The following RAB3GAP1 variants were observed in gnomAD, a reference collection of about 807,000 sequenced individuals.
RAB3GAP1 encodes the protein rab3 GTPase-activating protein catalytic subunit.
Under a neutral mutation model 130.7 loss-of-function variants are expected in RAB3GAP1, and 86 were observed. That is an observed-to-expected ratio of 0.66 (90% confidence interval 0.55 to 0.79). The LOEUF (loss-of-function observed/expected upper bound fraction) is 0.79, where lower values mean the gene tolerates loss of function less well. Ranked by LOEUF, RAB3GAP1 falls within the 30% of genes least tolerant of loss-of-function variation. The pLI, the probability that RAB3GAP1 is intolerant of heterozygous loss-of-function variation, is 0.00. For synonymous variants in RAB3GAP1, 367 were observed against 401.7 expected (o/e 0.91, Z 1.03); for missense variants, 1,029 against 1,169.4 (o/e 0.88, Z 1.75).
At chr2:135,085,028 A>G (rs1689934058) in intron 3 of RAB3GAP1, among the ~76,000 whole-genome samples, 1 of 152,222 alleles carries the variant, frequency 6.6e-6, no homozygotes, top group Admixed American at 6.5e-5. Context: ...ACAGGTGTAT[A>G]AAGAAAGCAC....
intron 5 of RAB3GAP1, among the ~76,000 whole-genome samples, chr2:135,099,784 T>C (rs1278201798): frequency 6.6e-6 from 1 of 152,146 alleles, no homozygotes; most frequent in Non-Finnish European, 1.5e-5. Context: ...TCCAGTACCT[T>C]GTCTCATGTA....
intron 3 of RAB3GAP1, among the ~76,000 whole-genome samples, chr2:135,081,327 A>AAAATATATATATATAT (rs1363481112): frequency 4.7e-5 from 3 of 64,070 alleles, no homozygotes; most frequent in Non-Finnish European, 7.0e-5. Context: ...AAAAAAAAAA[A>AAAATATATATATATAT]ATATATATAT....
chr2:135,079,059 C>G (rs149186915), intron 3 of RAB3GAP1, among the ~76,000 whole-genome samples: 2 of 152,144 alleles, frequency 1.3e-5, no homozygotes, highest in East Asian at 3.9e-4. Context: ...TTAGTAGACA[C>G]AGAGTTGCAC....
chr2:135,159,377 C>T (rs1177924619), intron 19 of RAB3GAP1, among the ~76,000 whole-genome samples: 2 of 152,224 alleles, frequency 1.3e-5, no homozygotes, highest in South Asian at 2.1e-4. Context: ...CTAAGCCATA[C>T]TGGCGGTATG....
At chr2:135,171,395 C>T (rs984698952), downstream of RAB3GAP1, among the ~76,000 whole-genome samples, 1 of 152,136 alleles carries the variant, frequency 6.6e-6, no homozygotes. Flanking sequence ...AGAAAGTATA[C>T]AGCTGTCGTA....
intron 3 of RAB3GAP1, among the ~76,000 whole-genome samples, chr2:135,070,726 C>T (rs1001436536): frequency 1.2e-4 from 18 of 152,098 alleles, no homozygotes; most frequent in Admixed American, 5.9e-4. Flanking sequence ...AGGCTGGTCT[C>T]GAACTCATGA....
chr2:135,089,899 A>G (rs1406033473), intron 3 of RAB3GAP1: 1 of 350,352 alleles, frequency 2.9e-6, no homozygotes, highest in Non-Finnish European at 5.8e-6. Context: ...GAACACGTGG[A>G]CACAGGGAGG....
intron 7 of RAB3GAP1, among the ~76,000 whole-genome samples, chr2:135,118,649 CCT>C (rs1173434323): frequency 6.6e-6 from 1 of 152,108 alleles, no homozygotes; most frequent in Non-Finnish European, 1.5e-5. Context: ...TCCCATCCAT[CCT>C]CTCTAGTGAT....
intron 3 of RAB3GAP1, among the ~76,000 whole-genome samples, chr2:135,066,213 TTTGGTCTCTCTCCAGAGCA>T (rs1229679219): frequency 6.6e-6 from 1 of 152,200 alleles, no homozygotes; most frequent in Non-Finnish European, 1.5e-5. Flanking sequence ...TCTGCCTGCA[TTTGGTCTCTCTCCAGAGCA>T]TTGAAAAATG....
chr2:135,090,313 T>C (rs570007279), intron 3 of RAB3GAP1, among the ~76,000 whole-genome samples: 286 of 152,278 alleles, frequency 1.9e-3, no homozygotes, highest in African/African-American at 6.4e-3. Flanking sequence ...ACAGATTAAT[T>C]GCTTATATAT....
intron 17 of RAB3GAP1, among the ~76,000 whole-genome samples, chr2:135,146,697 A>C (rs542973898): frequency 6.6e-6 from 1 of 152,172 alleles, no homozygotes; most frequent in Non-Finnish European, 1.5e-5. Context: ...AAAAACAGTA[A>C]TAGATTAATT....
chr2:135,112,470 C>T (rs1053244199), intron 5 of RAB3GAP1, among the ~76,000 whole-genome samples: 8 of 152,190 alleles, frequency 5.3e-5, no homozygotes, highest in Admixed American at 1.3e-4. Context: ...GGCAAGGTCA[C>T]GGCTGCTAAA....
chr2:135,125,598 C>T (rs1691325240), intron 9 of RAB3GAP1, among the ~76,000 whole-genome samples: 1 of 152,080 alleles, frequency 6.6e-6, no homozygotes, highest in Non-Finnish European at 1.5e-5. Context: ...TCTCATTGTA[C>T]TATGCACACT....
chr2:135,134,125 C>T, intron 15 of RAB3GAP1, 92 bp downstream of exon 15: 2 of 1,442,798 alleles, frequency 1.4e-6, no homozygotes, highest in Non-Finnish European at 1.9e-6. Flanking sequence ...TCTAGGAAGT[C>T]TGCCCTAAGA....
chr2:135,072,600 A>G (rs1298660339), intron 3 of RAB3GAP1, among the ~76,000 whole-genome samples: 1 of 151,992 alleles, frequency 6.6e-6, no homozygotes, highest in African/African-American at 2.4e-5. Flanking sequence ...TCCTGTCATG[A>G]TTTTCTCATG....
chr2:135,069,454 T>A (rs1405207464), intron 3 of RAB3GAP1, among the ~76,000 whole-genome samples: 2 of 152,160 alleles, frequency 1.3e-5, no homozygotes, highest in Non-Finnish European at 2.9e-5. Context: ...GGTTTTTGAT[T>A]TAGTGATTTG....
intron 5 of RAB3GAP1, among the ~76,000 whole-genome samples, chr2:135,106,814 G>GA (rs1690641047): frequency 7.2e-6 from 1 of 137,992 alleles, no homozygotes; most frequent in Non-Finnish European, 1.6e-5. Flanking sequence ...AAAAAAAAAG[G>GA]AAAAACAAAT....
At chr2:135,056,869 A>C (rs895763663) in intron 2 of RAB3GAP1, among the ~76,000 whole-genome samples, 3 of 152,310 alleles carry the variant, frequency 2.0e-5, no homozygotes, top group Non-Finnish European at 4.4e-5. Context: ...CATAATTATT[A>C]GTTCATATTA....
In RAB3GAP1 at chr2:135,168,660, G is replaced by T. The variant is rs761418983; in HGVS notation, c.2825G>T (p.Arg942Leu). ...PPPAGREFILRTTVPRPAPYS... is the reference protein window; with the variant it reads ...PPPAGREFILLTTVPRPAPYS... ...CCTGCTGGCCGGGAATTCATTTTGC[G>T]CACCACTGTGCCGCGCCCTGCTCCC... The change falls in exon 24 of 24, where the codon CGC becomes CTC. Residue 942 changes from arginine (R) to leucine (L), a missense_variant. Arg to Leu is a moderately radical substitution (Grantham distance 102). Transcript: ENST00000264158. 4 of 1,614,176 alleles carry T rather than the reference G, an allele frequency of 2.5e-6. No individual in the cohort carries two copies. Among genetic ancestry groups the T allele is most frequent in the Non-Finnish European group, 3.4e-6 (4 of 1,180,044 alleles).
Sources: gnomAD v4.1 joint callset for allele counts (sites outside exome capture counted in the v4.1 genomes callset) on GRCh38, gnomAD v4.1.1 for gene constraint, MANE v1.5 for transcripts, NCBI Gene and HGNC (gene_info 2026-07-23, HGNC 2026-07-21) for gene names.